The following NXPE2 variants were observed in gnomAD, a reference collection of about 807,000 sequenced individuals.
NXPE2 encodes the protein NXPE family member 2.
A neutral mutation model predicts 34.4 loss-of-function variants in NXPE2; 34 were observed. The observed-to-expected ratio is 0.99, with a 90% confidence interval of 0.75 to 1.31. The LOEUF (loss-of-function observed/expected upper bound fraction) is 1.31, where lower values mean the gene tolerates loss of function less well. NXPE2 is among the 40% of genes most tolerant of loss of function. The pLI is 0.00. For missense variants in NXPE2, 649 were observed against 672.5 expected (o/e 0.97, Z 0.39); for synonymous variants, 235 against 231.3 (o/e 1.02, Z -0.15).
At chr11:114,771,077 A>C in the NXPE2 span, among the ~76,000 whole-genome samples, 1 of 152,108 alleles carries the variant, frequency 6.6e-6, no homozygotes, top group East Asian at 1.9e-4. Flanking sequence ...CAAATGCAGG[A>C]CATATGGTGG....
the NXPE2 span, among the ~76,000 whole-genome samples, chr11:114,533,284 T>C: frequency 6.6e-6 from 1 of 152,164 alleles, no homozygotes; most frequent in African/African-American, 2.4e-5. Flanking sequence ...ATTTAAATTA[T>C]AGACAATACA....
chr11:114,513,697 T>C, the NXPE2 span, among the ~76,000 whole-genome samples: 1 of 152,142 alleles, frequency 6.6e-6, no homozygotes, highest in East Asian at 1.9e-4. Context: ...AAAAAACCCA[T>C]TGAACCTAAA....
the NXPE2 span, among the ~76,000 whole-genome samples, chr11:114,518,867 T>G: frequency 6.6e-6 from 1 of 151,896 alleles, no homozygotes; most frequent in African/African-American, 2.4e-5. Flanking sequence ...TACTGTGAAA[T>G]TTTGAACATT....
chr11:114,801,629 C>A, the NXPE2 span, among the ~76,000 whole-genome samples: 11 of 152,016 alleles, frequency 7.2e-5, no homozygotes, highest in African/African-American at 9.7e-5. Context: ...GCAAGGAGAC[C>A]AGTTAGGAAG....
the NXPE2 span, among the ~76,000 whole-genome samples, chr11:114,625,367 T>C: frequency 6.7e-6 from 1 of 149,902 alleles, no homozygotes; most frequent in Non-Finnish European, 1.5e-5. Flanking sequence ...GTATTGCCTC[T>C]TGGGTAACCA....
chr11:114,601,438 T>C, the NXPE2 span, among the ~76,000 whole-genome samples: 1 of 129,190 alleles, frequency 7.7e-6, no homozygotes, highest in African/African-American at 2.9e-5. Context: ...TTTTTAAATT[T>C]ATGTATATAT....
chr11:114,640,375 T>A, the NXPE2 span, among the ~76,000 whole-genome samples: 2 of 150,522 alleles, frequency 1.3e-5, no homozygotes, highest in Non-Finnish European at 3.0e-5. Flanking sequence ...ACTGTTTCTT[T>A]ATCCACTCAT....
At chr11:114,605,172 C>T in the NXPE2 span, among the ~76,000 whole-genome samples, 11 of 151,866 alleles carry the variant, frequency 7.2e-5, no homozygotes, top group Non-Finnish European at 1.6e-4. Context: ...TAAGTGTTGC[C>T]TTGTGAGAAA....
the NXPE2 span, among the ~76,000 whole-genome samples, chr11:114,644,628 G>A: frequency 2.6e-5 from 4 of 151,998 alleles, no homozygotes; most frequent in African/African-American, 9.7e-5. Context: ...ATGAAAGAAG[G>A]CATGAATAAA....
the NXPE2 span, among the ~76,000 whole-genome samples, chr11:114,479,258 C>T: frequency 6.6e-5 from 10 of 152,178 alleles, no homozygotes. Context: ...CGTTTTAAAG[C>T]CAGAGATTGG....
the NXPE2 span, among the ~76,000 whole-genome samples, chr11:114,560,121 C>A: frequency 2.6e-5 from 4 of 152,238 alleles, no homozygotes; most frequent in African/African-American, 9.6e-5. Context: ...AGCTGTGGTC[C>A]TTGAAGTCAT....
chr11:114,667,892 A>G, the NXPE2 span, among the ~76,000 whole-genome samples: 10 of 152,192 alleles, frequency 6.6e-5, no homozygotes, highest in African/African-American at 2.4e-4. Context: ...TGCACAAACT[A>G]TGAGATAATA....
the NXPE2 span, among the ~76,000 whole-genome samples, chr11:114,484,843 G>A: frequency 6.6e-6 from 1 of 152,078 alleles, no homozygotes; most frequent in Admixed American, 6.6e-5. Flanking sequence ...TGATAAAAAA[G>A]CAGAAAAATA....
At chr11:114,489,111 G>T in the NXPE2 span, among the ~76,000 whole-genome samples, 1 of 151,638 alleles carries the variant, frequency 6.6e-6, no homozygotes, top group Non-Finnish European at 1.5e-5. Flanking sequence ...AAATCTAGAA[G>T]AAATGGATAA....
At chr11:114,788,956 A>C in the NXPE2 span, among the ~76,000 whole-genome samples, 2 of 152,220 alleles carry the variant, frequency 1.3e-5, no homozygotes, top group Non-Finnish European at 2.9e-5. Context: ...AATCATGCCA[A>C]ATAGACAGAG....
the NXPE2 span, among the ~76,000 whole-genome samples, chr11:114,783,640 T>C: frequency 3.3e-5 from 5 of 152,200 alleles, no homozygotes; most frequent in African/African-American, 1.2e-4. Context: ...CTTTACTCCT[T>C]GAGATTAATG....
At chr11:114,577,255 T>C in the NXPE2 span, among the ~76,000 whole-genome samples, 445 of 151,164 alleles carry the variant, frequency 2.9e-3, 3 homozygotes, top group African/African-American at 0.01. Flanking sequence ...TGCAGCAACC[T>C]GGATGGAATG....
chr11:114,729,580 T>C, the NXPE2 span, among the ~76,000 whole-genome samples: 2 of 152,124 alleles, frequency 1.3e-5, no homozygotes, highest in Non-Finnish European at 2.9e-5. Flanking sequence ...CGGTTGCTTT[T>C]TGACTTTTTA....
the NXPE2 span, among the ~76,000 whole-genome samples, chr11:114,668,262 C>T: frequency 6.6e-6 from 1 of 151,966 alleles, no homozygotes. Flanking sequence ...TAGAGGGAGA[C>T]TTCTGGAGGA....
Sources: gnomAD v4.1 joint callset for allele counts (sites outside exome capture counted in the v4.1 genomes callset) on GRCh38, gnomAD v4.1.1 for gene constraint, MANE v1.5 for transcripts, NCBI Gene and HGNC (gene_info 2026-07-23, HGNC 2026-07-21) for gene names.